The following RNLS variants were observed in gnomAD, a reference collection of about 807,000 sequenced individuals.
The protein encoded by RNLS is renalase, FAD dependent amine oxidase, also known as renalase.
Under a neutral mutation model 39.8 loss-of-function variants are expected in RNLS, and 39 were observed. That is an observed-to-expected ratio of 0.98 (90% CI 0.76 to 1.28). The LOEUF is 1.28. Among genes scored for constraint, RNLS ranks in the 50% most tolerant of loss-of-function variants. The pLI, the probability that RNLS is intolerant of heterozygous loss-of-function variation, is 0.00. For synonymous variants in RNLS, 147 were observed against 150.7 expected, an observed-to-expected ratio of 0.98 and a Z score of 0.18; for missense variants, 410 against 413.3, an observed-to-expected ratio of 0.99 and a Z score of 0.07.
At chr10:88,558,264 C>G (rs539805882) in intron 4 of RNLS, among the ~76,000 whole-genome samples, 16 of 152,258 alleles carry the variant, frequency 1.1e-4, no homozygotes, top group Admixed American at 1.3e-4. Context: ...TACCACTCAA[C>G]AGCTAGAGAG....
chr10:88,423,720 A>G (rs1854543902), intron 4 of RNLS, among the ~76,000 whole-genome samples: 1 of 152,206 alleles, frequency 6.6e-6, no homozygotes, highest in South Asian at 2.1e-4. Flanking sequence ...TTGTTGGTTG[A>G]TCTGCTTTCA....
chr10:88,439,584 G>A (rs559175583), intron 4 of RNLS, among the ~76,000 whole-genome samples: 44 of 152,326 alleles, frequency 2.9e-4, no homozygotes, highest in Admixed American at 2.0e-3. Context: ...ATTCATGGTT[G>A]TGTATAGCAT....
intron 4 of RNLS, among the ~76,000 whole-genome samples, chr10:88,519,103 C>CA (rs534655115): frequency 2.6e-4 from 40 of 152,166 alleles, no homozygotes; most frequent in African/African-American, 8.9e-4. Flanking sequence ...TATCCTGATT[C>CA]AGAGATCTGG....
chr10:88,324,808 C>T (rs1355456684), intron 5 of RNLS, among the ~76,000 whole-genome samples: 1 of 152,170 alleles, frequency 6.6e-6, no homozygotes, highest in African/African-American at 2.4e-5. Flanking sequence ...AGTAACTATT[C>T]TCCCTTCCCC....
At chr10:88,317,631 G>T (rs1589536099) in intron 5 of RNLS, among the ~76,000 whole-genome samples, 1 of 152,294 alleles carries the variant, frequency 6.6e-6, no homozygotes, top group East Asian at 1.9e-4. Flanking sequence ...CAGTAGCATT[G>T]AGTATGTTCA....
At chr10:88,507,138 G>C (rs2134135315) in intron 4 of RNLS, among the ~76,000 whole-genome samples, 1 of 152,248 alleles carries the variant, frequency 6.6e-6, no homozygotes, top group South Asian at 2.1e-4. Flanking sequence ...CAATGGCCAA[G>C]TTGCATGAAA....
chr10:88,187,079 T>A, the RNLS span, among the ~76,000 whole-genome samples: 1 of 148,794 alleles, frequency 6.7e-6, no homozygotes, highest in Non-Finnish European at 1.5e-5. Context: ...ACCGCAGGAG[T>A]TGACAGAAAG....
At chr10:88,205,289 T>C in the RNLS span, among the ~76,000 whole-genome samples, 1 of 152,172 alleles carries the variant, frequency 6.6e-6, no homozygotes, top group Admixed American at 6.5e-5. Flanking sequence ...ATATGTTTTC[T>C]ACTAAGTAAA....
chr10:88,420,064 G>GAATA (rs35962923), intron 4 of RNLS, among the ~76,000 whole-genome samples: 3 of 121,952 alleles, frequency 2.5e-5, no homozygotes, highest in Non-Finnish European at 5.7e-5. Flanking sequence ...ATAAATGAAT[G>GAATA]AATAAATAAA....
At chr10:88,396,705 TAA>T (rs35417528) in intron 4 of RNLS, among the ~76,000 whole-genome samples, 2,418 of 144,496 alleles carry the variant, frequency 0.017, 71 homozygotes, top group African/African-American at 0.057. Flanking sequence ...CATAATGGAT[TAA>T]AAAAAAAAAA....
At chr10:88,443,005 G>T (rs1841817837) in intron 4 of RNLS, among the ~76,000 whole-genome samples, 1 of 152,106 alleles carries the variant, frequency 6.6e-6, no homozygotes, top group Non-Finnish European at 1.5e-5. Flanking sequence ...TTTCACAATT[G>T]CTCAATGACT....
At chr10:88,193,674 T>C in the RNLS span, among the ~76,000 whole-genome samples, 1 of 152,164 alleles carries the variant, frequency 6.6e-6, no homozygotes, top group Non-Finnish European at 1.5e-5. Flanking sequence ...CCTCTCCTAT[T>C]TACTGTAGTT....
chr10:88,448,070 G>A (rs1430037979), intron 4 of RNLS, among the ~76,000 whole-genome samples: 1 of 152,146 alleles, frequency 6.6e-6, no homozygotes, highest in Non-Finnish European at 1.5e-5. Context: ...AGAAAGCCTA[G>A]GCAATACCAT....
intron 6 of RNLS, among the ~76,000 whole-genome samples, chr10:88,298,126 G>A (rs1844222728): frequency 6.6e-6 from 1 of 151,952 alleles, no homozygotes; most frequent in Non-Finnish European, 1.5e-5. Flanking sequence ...TCTTCTTTGG[G>A]AAAATGTCTA....
At chr10:88,501,423 AG>A (rs1845478096) in intron 4 of RNLS, among the ~76,000 whole-genome samples, 1 of 152,186 alleles carries the variant, frequency 6.6e-6, no homozygotes, top group East Asian at 1.9e-4. Context: ...TGCAAAGAGT[AG>A]TATACAATCT....
At chr10:88,571,382 G>A (rs1190688634) in intron 4 of RNLS, among the ~76,000 whole-genome samples, 1 of 152,096 alleles carries the variant, frequency 6.6e-6, no homozygotes, top group Non-Finnish European at 1.5e-5. Context: ...CTGTGGTAAT[G>A]GTTTTAAGAA....
At chr10:88,514,972 A>G (rs1206246106) in intron 4 of RNLS, among the ~76,000 whole-genome samples, 1 of 152,128 alleles carries the variant, frequency 6.6e-6, no homozygotes, top group Non-Finnish European at 1.5e-5. Context: ...ATTGTTTTCC[A>G]TAGTGGCTGT....
At chr10:88,318,443 T>C (rs777145068) in intron 5 of RNLS, among the ~76,000 whole-genome samples, 1 of 152,200 alleles carries the variant, frequency 6.6e-6, no homozygotes, top group Non-Finnish European at 1.5e-5. Flanking sequence ...GAGGATGCAG[T>C]AGTGGTTCTT....
At chr10:88,297,578 A>G (rs990263420) in intron 6 of RNLS, among the ~76,000 whole-genome samples, 3 of 152,208 alleles carry the variant, frequency 2.0e-5, no homozygotes, top group Admixed American at 6.5e-5. Context: ...TTTCATATGA[A>G]TGGAATCATT....
Sources: gnomAD v4.1 joint callset for allele counts (sites outside exome capture counted in the v4.1 genomes callset) on GRCh38, gnomAD v4.1.1 for gene constraint, MANE v1.5 for transcripts, NCBI Gene and HGNC (gene_info 2026-07-23, HGNC 2026-07-21) for gene names.